DDX60L: variants seen among roughly 807,000 people sequenced by gnomAD.
The protein encoded by DDX60L is DExD/H-box 60 like, also known as probable ATP-dependent RNA helicase DDX60-like.
A neutral mutation model predicts 211.6 loss-of-function variants in DDX60L; 191 were observed. That is an observed-to-expected ratio of 0.90 (90% confidence interval 0.80 to 1.02). DDX60L has a LOEUF of 1.02. Among genes scored for constraint, DDX60L ranks in the 50% least tolerant of loss-of-function variants. The pLI is 0.00. For synonymous variants in DDX60L, 706 were observed against 694.1 expected (o/e 1.02, Z -0.27); for missense variants, 2,007 against 1,984.1 (o/e 1.01, Z -0.22).
At chr4:168,475,018 A>C (rs1397170926) in intron 1 of DDX60L, among the ~76,000 whole-genome samples, 1 of 152,236 alleles carries the variant, frequency 6.6e-6, no homozygotes, top group Non-Finnish European at 1.5e-5. Context: ...TCTGGCAAAA[A>C]AGAAAGACAT....
chr4:168,391,552 T>C lies in DDX60L; in HGVS notation c.3903A>G (p.Leu1301=), dbSNP rs1353990381. 7 of 1,600,554 alleles carry C rather than the reference T, an allele frequency of 4.4e-6. No individual in the cohort carries two copies. In the Admixed American group the frequency reaches 1.0e-4, roughly 23 times the overall value. Residue 1301 remains leucine (L), a synonymous_variant, in exon 29 of 38, where the codon TTA becomes TTG. Coordinates refer to ENST00000682922, the MANE Select transcript of DDX60L (RefSeq NM_001012967.3). The part of the protein sequence containing the change: ...FAQDSVYLDA[L]NYRQMSGRAG... ...GTCAGAGAGTTACCTGTCTGTAATT[T>C]AAAGCATCCAGATAGACTGAGTCTT...
rs191533004 is a variant in DDX60L at position 168,389,205 on chromosome 4, C to T, written c.3915+2335G>A. 1.6e-4 allele frequency among the ~76,000 whole-genome samples: 24 copies of T among 152,148 alleles called. No individual in the cohort carries two copies. In the East Asian group the frequency reaches 2.7e-3, roughly 17 times the overall value. ...TTATTTTACAGGCAATAAAGTCCTA[C>T]GAAGATTGAGTGACATGAGGACAAC... On this transcript the variant is annotated intron_variant, in intron 29 of 37. Transcript: ENST00000682922.
chr4:168,395,047 T>C (rs1745533695), intron 27 of DDX60L, among the ~76,000 whole-genome samples: 2 of 152,180 alleles, frequency 1.3e-5, no homozygotes, highest in African/African-American at 4.8e-5. Context: ...ACAAGTCATA[T>C]CCAACCCCTT....
intron 25 of DDX60L, among the ~76,000 whole-genome samples, chr4:168,403,647 C>T (rs927017029): frequency 2.6e-5 from 4 of 152,112 alleles, no homozygotes; most frequent in Non-Finnish European, 5.9e-5. Flanking sequence ...TGTTTTACAT[C>T]TGTACATGAA....
At chr4:168,366,467 G>A (rs1225397816) in intron 36 of DDX60L, among the ~76,000 whole-genome samples, 3 of 151,838 alleles carry the variant, frequency 2.0e-5, no homozygotes, top group Non-Finnish European at 4.4e-5. Flanking sequence ...AAACATTGAT[G>A]AAAGAAATTA....
intron 9 of DDX60L, among the ~76,000 whole-genome samples, chr4:168,443,396 T>C: frequency 6.6e-6 from 1 of 151,886 alleles, no homozygotes; most frequent in Non-Finnish European, 1.5e-5. Flanking sequence ...CAAATCTACG[T>C]CTGATTGGTG....
At chr4:168,455,308 G>A (rs991878424) in intron 7 of DDX60L, among the ~76,000 whole-genome samples, 4 of 150,806 alleles carry the variant, frequency 2.7e-5, no homozygotes, top group Admixed American at 2.0e-4. Flanking sequence ...GTGTACTTAT[G>A]CAAGCAGGGA....
chr4:168,409,405 A>G (rs544543483), intron 22 of DDX60L, among the ~76,000 whole-genome samples: 3 of 152,256 alleles, frequency 2.0e-5, no homozygotes, highest in Non-Finnish European at 4.4e-5. Context: ...AATCACTCTA[A>G]GCAGAGTAAA....
intron 1 of DDX60L, among the ~76,000 whole-genome samples, 200 bp from the exon 2 acceptor site, chr4:168,473,009 G>A (rs1287089739): frequency 6.6e-6 from 1 of 152,158 alleles, no homozygotes; most frequent in Non-Finnish European, 1.5e-5. Context: ...ATTAATGCAT[G>A]AACTGAGATC....
chr4:168,369,997 T>C (rs781042429), intron 36 of DDX60L, among the ~76,000 whole-genome samples: 3 of 152,148 alleles, frequency 2.0e-5, no homozygotes, highest in Admixed American at 6.5e-5. Context: ...ATATCCATTA[T>C]GGAAAACAGT....
In DDX60L at chr4:168,358,245, G is replaced by A. The variant is rs371572312; in HGVS notation, c.5023C>T (p.Arg1675Cys). Residue 1675 changes from arginine to cysteine, a missense_variant, in exon 38 of 38, where the codon CGT becomes TGT. Physicochemically the swap from Arg to Cys is radical, Grantham distance 180. Coordinates refer to ENST00000682922, the MANE Select transcript of DDX60L (RefSeq NM_001012967.3). ...DSLSELCENKRDNVVLAFKQL... is the reference protein window; with the variant it reads ...DSLSELCENKCDNVVLAFKQL... ...TTAAATGCCAGGACTACATTGTCAC[G>A]CTTATTTTCACATAGTTCACTCAAG... 5.2e-5 allele frequency: 83 copies of A among 1,596,490 alleles called. No homozygotes were observed. The South Asian group carries it at 6.0e-4, about 11-fold the overall frequency.
chr4:168,477,795 C>G (rs1219182401), intron 1 of DDX60L, among the ~76,000 whole-genome samples: 1 of 152,160 alleles, frequency 6.6e-6, no homozygotes, highest in Non-Finnish European at 1.5e-5. Flanking sequence ...GCCTGATGCT[C>G]ACAGAAAAGT....
At chr4:168,398,269 A>G (rs1408086951) in intron 26 of DDX60L, among the ~76,000 whole-genome samples, 4 of 151,928 alleles carry the variant, frequency 2.6e-5, no homozygotes, top group Admixed American at 2.6e-4. Flanking sequence ...CCCACTCCAA[A>G]CTCAGAGAAA....
chr4:168,433,044 C>A lies in DDX60L; in HGVS notation c.1366G>T (p.Gly456Ter). The A allele has an allele frequency of 6.2e-7, 1 of 1,609,474 alleles. No homozygotes were observed. The highest frequency in any genetic ancestry group is 8.5e-7 in the Non-Finnish European group (1 of 1,177,596). The change falls in exon 11 of 38, where the codon GGA (glycine) becomes TGA (stop). Residue 456 changes from glycine (G) to a stop codon, truncating the protein, a stop_gained. Transcript: ENST00000682922. LOFTEE classifies it high-confidence loss of function. ...MTSAVIDEFV[G>*]DMMKDLPILK... ...ATAGGCAAATCCTTCATCATATCTC[C>A]AACAAACTCATCAATTACAGCAGAT...
chr4:168,420,613 TACAC>T (rs200084305), intron 17 of DDX60L, among the ~76,000 whole-genome samples: 33 of 112,230 alleles, frequency 2.9e-4, no homozygotes, highest in Middle Eastern at 4.3e-3. Context: ...CACACACACA[TACAC>T]ACACACACAC....
At chr4:168,434,897 C>G (rs112929003) in intron 10 of DDX60L, among the ~76,000 whole-genome samples, 115 of 152,290 alleles carry the variant, frequency 7.6e-4, no homozygotes, top group African/African-American at 2.3e-3. Context: ...GGCTAAATCC[C>G]TTTGAAGAAG....
chr4:168,423,459 C>G, intron 15 of DDX60L, 149 bp downstream of exon 15: 1 of 535,220 alleles, frequency 1.9e-6, no homozygotes, highest in Non-Finnish European at 3.0e-6. Flanking sequence ...AATAAGTAAT[C>G]TCATATCTAT....
In DDX60L at chr4:168,384,709, G is replaced by A. The variant is rs201714953; in HGVS notation, c.4019C>T (p.Pro1340Leu). Residue 1340 changes from proline (P) to leucine (L), a missense_variant, in exon 30 of 38, where the codon CCT becomes CTT. Physicochemically the swap from Pro to Leu is moderately conservative, Grantham distance 98 (BLOSUM62 -3). Coordinates refer to ENST00000682922, the MANE Select transcript of DDX60L (RefSeq NM_001012967.3). ...KIKRLLASSV[P>L]ELRGQFPLSI... is the part of the protein sequence containing the mutation. ...GAGAGGGAACTGTCCTCTCAGCTCAGGAACACTGGATGCAAGGAGTCTTTT... is the reference window on the plus strand; with the variant it reads ...GAGAGGGAACTGTCCTCTCAGCTCAAGAACACTGGATGCAAGGAGTCTTTT... The A allele has an allele frequency of 2.6e-4, 422 of 1,613,876 alleles. 2 individuals are homozygous for A. In the African/African-American group the frequency reaches 4.9e-3, roughly 19 times the overall value.
intron 9 of DDX60L, among the ~76,000 whole-genome samples, chr4:168,442,052 C>T (rs1385740639): frequency 5.9e-5 from 9 of 152,220 alleles, no homozygotes; most frequent in African/African-American, 9.6e-5. Context: ...GCGTGAGCAA[C>T]GCAGAAGACG....
Sources: gnomAD v4.1 joint callset for allele counts (sites outside exome capture counted in the v4.1 genomes callset) on GRCh38, gnomAD v4.1.1 for gene constraint, MANE v1.5 for transcripts, NCBI Gene and HGNC (gene_info 2026-07-23, HGNC 2026-07-21) for gene names.